The following SKAP1 variants were observed in gnomAD, a reference collection of about 807,000 sequenced individuals.
SKAP1 encodes the protein src kinase associated phosphoprotein 1.
SKAP1 carries 44 observed loss-of-function variants against 58.5 expected under a neutral mutation model. The observed-to-expected ratio is 0.75, with a 90% CI of 0.59 to 0.97. SKAP1 has a LOEUF of 0.97. Ranked by LOEUF, SKAP1 falls within the 50% of genes least tolerant of loss-of-function variation. The probability of loss-of-function intolerance (pLI) is 0.00; values close to 1 mark genes in which losing one functional copy is unlikely to be tolerated. For missense variants in SKAP1, 390 were observed against 435.2 expected, an observed-to-expected ratio of 0.90 and a Z score of 0.92; for synonymous variants, 127 against 149.7, an observed-to-expected ratio of 0.85 and a Z score of 1.11.
intron 4 of SKAP1, among the ~76,000 whole-genome samples, chr17:48,226,971 C>T (rs908884144): frequency 6.6e-5 from 10 of 152,198 alleles, no homozygotes; most frequent in African/African-American, 2.4e-4. Context: ...ACTTGAGCTT[C>T]CTGTCTTGCC....
chr17:48,153,792 A>G (rs2063934235), intron 11 of SKAP1, among the ~76,000 whole-genome samples: 1 of 144,980 alleles, frequency 6.9e-6, no homozygotes, highest in African/African-American at 2.6e-5. Context: ...ATAACCCCCC[A>G]CCCATCCCCC....
intron 2 of SKAP1, among the ~76,000 whole-genome samples, chr17:48,387,085 C>T (rs1265402421): frequency 1.3e-5 from 2 of 152,236 alleles, no homozygotes; most frequent in Admixed American, 6.5e-5. Flanking sequence ...CATAATCACA[C>T]TGCACACTCA....
intron 11 of SKAP1, among the ~76,000 whole-genome samples, chr17:48,147,031 A>G (rs979957226): frequency 6.6e-6 from 1 of 152,206 alleles, no homozygotes; most frequent in African/African-American, 2.4e-5. Context: ...AGTTCCCTGG[A>G]TAAAGCTCCT....
chr17:48,248,284 G>C (rs535602584), intron 4 of SKAP1, among the ~76,000 whole-genome samples: 1 of 152,124 alleles, frequency 6.6e-6, no homozygotes, highest in Non-Finnish European at 1.5e-5. Flanking sequence ...CTATAGGGGA[G>C]GATGGGCACA....
At chr17:48,187,971 T>A in intron 5 of SKAP1, 45 bp from the exon 6 acceptor site, 1 of 1,386,932 alleles carries the variant, frequency 7.2e-7, no homozygotes, top group Non-Finnish European at 1.0e-6. Context: ...GTAACTACCA[T>A]CATTGAAGAG....
chr17:48,270,766 T>C (rs1250519717), intron 4 of SKAP1, among the ~76,000 whole-genome samples: 1 of 152,178 alleles, frequency 6.6e-6, no homozygotes, highest in Non-Finnish European at 1.5e-5. Context: ...AAGTAGATTG[T>C]TATCATTGTG....
chr17:48,433,772 G>A (rs1022728013), upstream of SKAP1, among the ~76,000 whole-genome samples: 1 of 152,102 alleles, frequency 6.6e-6, no homozygotes, highest in African/African-American at 2.4e-5. Flanking sequence ...GACCCTTCAC[G>A]CACTGTCAGC....
chr17:48,205,217 C>G (rs1041610896), intron 4 of SKAP1, among the ~76,000 whole-genome samples: 5 of 151,476 alleles, frequency 3.3e-5, no homozygotes, highest in African/African-American at 1.2e-4. Flanking sequence ...TTAAGCAATC[C>G]TCCCACCTCA....
chr17:48,400,891 C>G (rs1353034632), intron 1 of SKAP1, among the ~76,000 whole-genome samples: 1 of 152,260 alleles, frequency 6.6e-6, no homozygotes, highest in Admixed American at 6.5e-5. Flanking sequence ...CCAAACTGAT[C>G]TAAAGCTTTT....
intron 6 of SKAP1, among the ~76,000 whole-genome samples, chr17:48,186,642 T>C (rs895706355): frequency 1.6e-4 from 25 of 152,136 alleles, no homozygotes; most frequent in African/African-American, 5.8e-4. Context: ...CTAATTTTTG[T>C]ATTTTTAGTA....
At chr17:48,306,273 ATT>A in intron 4 of SKAP1, among the ~76,000 whole-genome samples, 1 of 152,040 alleles carries the variant, frequency 6.6e-6, no homozygotes, top group South Asian at 2.1e-4. Flanking sequence ...TTCTCTGGTC[ATT>A]TTTTTTCTTT....
intron 4 of SKAP1, among the ~76,000 whole-genome samples, chr17:48,330,916 G>C (rs1480129318): frequency 6.6e-6 from 1 of 152,110 alleles, no homozygotes; most frequent in Non-Finnish European, 1.5e-5. Flanking sequence ...TTCTGTTATC[G>C]TTGAGCATGA....
chr17:48,198,449 C>T (rs1336103184), intron 4 of SKAP1, among the ~76,000 whole-genome samples: 12 of 65,086 alleles, frequency 1.8e-4, no homozygotes, highest in African/African-American at 5.5e-4. Context: ...AGCGAGACTC[C>T]GTCTCAAAAA....
intron 4 of SKAP1, among the ~76,000 whole-genome samples, chr17:48,202,523 C>T (rs1414045454): frequency 1.3e-5 from 2 of 151,980 alleles, no homozygotes; most frequent in African/African-American, 4.8e-5. Context: ...CAAAAATCAC[C>T]CTCCCTTAAA....
At chr17:48,218,595 A>G (rs549061579) in intron 4 of SKAP1, among the ~76,000 whole-genome samples, 7 of 152,336 alleles carry the variant, frequency 4.6e-5, no homozygotes, top group African/African-American at 1.2e-4. Flanking sequence ...CTCAACGAAG[A>G]GCTTGTGTGC....
intron 1 of SKAP1, among the ~76,000 whole-genome samples, chr17:48,416,210 A>ATT (rs11405480): frequency 1.1e-4 from 16 of 151,218 alleles, no homozygotes; most frequent in South Asian, 2.1e-4. Context: ...TGATACCTGT[A>ATT]TTTTTTTTTC....
chr17:48,277,962 G>A (rs2065720842), intron 4 of SKAP1, among the ~76,000 whole-genome samples: 1 of 152,184 alleles, frequency 6.6e-6, no homozygotes, highest in Admixed American at 6.5e-5. Context: ...TCTCTATGAT[G>A]TGGGAAACCA....
intron 11 of SKAP1, among the ~76,000 whole-genome samples, chr17:48,147,930 A>T (rs1251629893): frequency 8.1e-6 from 1 of 123,312 alleles, no homozygotes; most frequent in Non-Finnish European, 1.6e-5. Flanking sequence ...AAGTGTGAGA[A>T]GGGGGACATG....
At chr17:48,360,216 T>C (rs1409558397) in intron 3 of SKAP1, among the ~76,000 whole-genome samples, 1 of 152,176 alleles carries the variant, frequency 6.6e-6, no homozygotes, top group Non-Finnish European at 1.5e-5. Context: ...ATGTCATTTG[T>C]TTTAGATTCT....
Sources: gnomAD v4.1 joint callset for allele counts (sites outside exome capture counted in the v4.1 genomes callset) on GRCh38, gnomAD v4.1.1 for gene constraint, MANE v1.5 for transcripts, NCBI Gene and HGNC (gene_info 2026-07-23, HGNC 2026-07-21) for gene names.